Variants in NUP205 observed in about 807,000 individuals in gnomAD.
NUP205 encodes the protein nuclear pore complex protein Nup205.
A neutral mutation model predicts 253.8 loss-of-function variants in NUP205; 76 were observed. That is an observed-to-expected ratio of 0.30 (90% CI 0.25 to 0.36). NUP205 has a LOEUF of 0.36. Among genes scored for constraint, NUP205 ranks in the 10% least tolerant of loss-of-function variants. NUP205 has a pLI of 1.00. For missense variants in NUP205, 2,162 were observed against 2,425.5 expected, an observed-to-expected ratio of 0.89 and a Z score of 2.28; for synonymous variants, 832 against 850.1, an observed-to-expected ratio of 0.98 and a Z score of 0.37.
At chr7:135,588,131 A>C in intron 10 of NUP205, 139 bp downstream of exon 10, 1 of 594,398 alleles carries the variant, frequency 1.7e-6, no homozygotes, top group Non-Finnish European at 2.5e-6. Context: ...TACACTTTTT[A>C]AATTTTATTT....
intron 15 of NUP205, among the ~76,000 whole-genome samples, chr7:135,599,181 C>CT (rs1793911679): frequency 6.6e-6 from 1 of 151,964 alleles, no homozygotes; most frequent in Admixed American, 6.6e-5. Flanking sequence ...CTTTGTATTT[C>CT]TTTTTTGTCA....
intron 38 of NUP205, among the ~76,000 whole-genome samples, chr7:135,641,615 C>T (rs1794915996): frequency 6.6e-6 from 1 of 151,458 alleles, no homozygotes; most frequent in African/African-American, 2.4e-5. Flanking sequence ...CCAAAAAATA[C>T]AAAAAAATTA....
At position 135,575,523 on chromosome 7, in the gene NUP205, G is replaced by A. The variant is rs535510043; in HGVS notation, c.344-747G>A. On this transcript the variant is annotated intron_variant, in intron 3 of 42. Coordinates refer to ENST00000285968, the MANE Select transcript of NUP205 (RefSeq NM_015135.3). Reference sequence around the variant, plus strand: ...AAAAAAAAGTGAAACTTAGCCAGGCGTGGTGGCTCACACCTGTAATCCCAC... The same window carrying A: ...AAAAAAAAGTGAAACTTAGCCAGGCATGGTGGCTCACACCTGTAATCCCAC... Among the ~76,000 whole-genome samples the A allele has an allele frequency of 1.1e-4, 17 of 152,304 alleles. No homozygotes were observed. In the South Asian group the frequency reaches 3.3e-3, roughly 30 times the overall value.
In NUP205 at chr7:135,577,831, T is replaced by C. The variant is rs1440249163; in HGVS notation, c.684T>C (p.Leu228=). 6.2e-7 allele frequency: 1 copy of C among 1,614,136 alleles called. No individual in the cohort carries two copies. The highest frequency in any genetic ancestry group is 1.7e-5 in the Admixed American group (1 of 60,014). ...TCATTAAGGAGTGCAGGCAGTCTCT[T>C]GCAGAAAGCCTTTTTGCCTGGGCTT... ...SDLIKECRQS[L]AESLFAWACQ... Residue 228 remains leucine, a synonymous_variant, in exon 6 of 43, where the codon CTT becomes CTC. Coordinates refer to ENST00000285968, the MANE Select transcript of NUP205 (RefSeq NM_015135.3).
At chr7:135,577,647 G>A (rs1806187097) in intron 5 of NUP205, 149 bp from the exon 6 acceptor site, 1 of 604,574 alleles carries the variant, frequency 1.7e-6, no homozygotes, top group African/African-American at 1.8e-5. Context: ...AATAGGGTTT[G>A]TTCAGAATTC....
At chr7:135,562,251 C>T (rs1454917367) in intron 1 of NUP205, among the ~76,000 whole-genome samples, 5 of 152,070 alleles carry the variant, frequency 3.3e-5, no homozygotes, top group Non-Finnish European at 5.9e-5. Context: ...GACTGGAGTG[C>T]GGTGGTGTGA....
chr7:135,562,435 C>T (rs12707239), intron 1 of NUP205, among the ~76,000 whole-genome samples: 34,230 of 151,728 alleles, frequency 0.23, 4,532 homozygotes, highest in East Asian at 0.55. Flanking sequence ...TGACCTCAAA[C>T]GATTCACCTG....
chr7:135,605,236 C>T (rs1477066767), intron 19 of NUP205, among the ~76,000 whole-genome samples: 3 of 152,016 alleles, frequency 2.0e-5, no homozygotes, highest in Non-Finnish European at 2.9e-5. Flanking sequence ...AGGCTGGTCT[C>T]GAATTCTAGA....
At position 135,577,839 on chromosome 7, in the gene NUP205, G is replaced by A; in HGVS notation, c.692G>A (p.Ser231Asn). Residue 231 changes from serine to asparagine, a missense_variant, in exon 6 of 43, where the codon AGC (serine) becomes AAC (asparagine). Ser to Asn is a conservative substitution (Grantham distance 46, BLOSUM62 1). Around this residue, in one of 5 missense-constraint regions of NUP205, gnomAD observed 892 missense variants for 957.1 expected, o/e 0.93. Coordinates refer to ENST00000285968, the MANE Select transcript of NUP205 (RefSeq NM_015135.3). ...GAGTGCAGGCAGTCTCTTGCAGAAA[G>A]CCTTTTTGCCTGGGCTTGCCAGTCA... ...IKECRQSLAESLFAWACQSPL... is the reference protein window; with the variant it reads ...IKECRQSLAENLFAWACQSPL... The A allele has an allele frequency of 6.2e-7, 1 of 1,614,088 alleles. No homozygotes were observed. Among genetic ancestry groups the A allele is most frequent in the Non-Finnish European group, 8.5e-7 (1 of 1,180,002 alleles).
intron 22 of NUP205, among the ~76,000 whole-genome samples, chr7:135,609,721 G>T (rs1794184635): frequency 6.6e-6 from 1 of 151,516 alleles, no homozygotes; most frequent in African/African-American, 2.4e-5. Context: ...TTAATCTCCT[G>T]CTTTTCTTTT....
At chr7:135,588,443 C>CT (rs1806533140) in intron 10 of NUP205, among the ~76,000 whole-genome samples, 1 of 150,898 alleles carries the variant, frequency 6.6e-6, no homozygotes, top group Admixed American at 6.6e-5. Flanking sequence ...GCCTAGCCTA[C>CT]TTTTCTCTTT....
At chr7:135,648,137 GCATCAA>G (rs1158257069) in intron 42 of NUP205, among the ~76,000 whole-genome samples, 3 of 151,580 alleles carry the variant, frequency 2.0e-5, no homozygotes, top group Non-Finnish European at 4.4e-5. Context: ...ATCAGCATCA[GCATCAA>G]CATTCATTGC....
chr7:135,619,775 TCC>T lies in NUP205; in HGVS notation c.4232-14_4232-13del, dbSNP rs762309944. On this transcript the variant is annotated splice_polypyrimidine_tract_variant and intron_variant, in intron 29 of 42. Transcript: ENST00000285968. The stretch of plus-strand genomic sequence containing the variant: ...GAGAAAAGATTTTCATTTGACATCT[TCC>T]TAATCTCCCTAGGTGGTGGATTCCA... 2.2e-4 allele frequency: 348 copies of T among 1,601,916 alleles called. 6 individuals are homozygous for T. In the South Asian group the frequency reaches 3.6e-3, roughly 17 times the overall value.
chr7:135,587,912 T>C lies in NUP205; in HGVS notation c.1393T>C (p.Cys465Arg), dbSNP rs1339229965. The change falls in exon 10 of 43, where the codon TGT becomes CGT. Residue 465 changes from cysteine to arginine, a missense_variant. Physicochemically the swap from Cys to Arg is radical, Grantham distance 180 (BLOSUM62 -3). This residue lies in a region of NUP205 where 892 missense variants were observed against 957.1 expected (regional missense o/e 0.93). Transcript: ENST00000285968. Reference protein sequence around the residue: ...FHLELALEYWCPTEPLQTPTI... With the variant: ...FHLELALEYWRPTEPLQTPTI... ...TCTGGAGCTTGCTCTAGAATATTGGTGTCCCACAGAGCCTCTTCAGACTCC... is the reference window on the plus strand; with the variant it reads ...TCTGGAGCTTGCTCTAGAATATTGGCGTCCCACAGAGCCTCTTCAGACTCC... The C allele has an allele frequency of 3.1e-6, 5 of 1,613,888 alleles. No homozygotes were observed. The highest frequency in any genetic ancestry group is 3.3e-5 in the Admixed American group (2 of 59,992).
At chr7:135,566,809 C>T (rs1050377312) in intron 1 of NUP205, among the ~76,000 whole-genome samples, 6 of 152,084 alleles carry the variant, frequency 3.9e-5, no homozygotes, top group African/African-American at 1.4e-4. Flanking sequence ...GCAATCTCGG[C>T]TCACTGCAAC....
rs77470784 is a variant in NUP205, at chr7:135,638,432, A to G, written c.5266-125A>G. The G allele has an allele frequency of 4.7e-6, 4 of 845,264 alleles. 1 individual carries two copies. Among genetic ancestry groups the G allele is most frequent in the Non-Finnish European group, 7.2e-6 (4 of 552,280 alleles). 52.4% of individuals were successfully genotyped at this position (845,264 alleles called of 1,614,324 possible). ...TCCATCTGAAAAAAAAAAAAAAAAA[A>G]GAATACACAGATGTGAGTCATTTTA... On this transcript the variant is annotated intron_variant, in intron 37 of 42. Transcript: ENST00000285968.
intron 31 of NUP205, among the ~76,000 whole-genome samples, chr7:135,623,995 G>T (rs1293046637): frequency 1.3e-5 from 2 of 152,074 alleles, no homozygotes; most frequent in Non-Finnish European, 2.9e-5. Context: ...TGTTAGCCAG[G>T]ATGGTCTCGA....
At position 135,601,364 on chromosome 7, in the gene NUP205, A is replaced by G. The variant is rs1429440416; in HGVS notation, c.2375-6A>G. ...CATCTCTTGGAATATGTTATGTTCT[A>G]TTTAGGAGAAGAAATCATAGCCTAT... On this transcript the variant is annotated splice_polypyrimidine_tract_variant and splice_region_variant and intron_variant, in intron 16 of 42. Transcript: ENST00000285968. The G allele has an allele frequency of 2.5e-6, 4 of 1,610,548 alleles. No individual in the cohort carries two copies. The African/African-American group carries it at 4.0e-5, about 16-fold the overall frequency.
At chr7:135,638,769 A>C in intron 38 of NUP205, 86 bp downstream of exon 38, 1 of 1,383,120 alleles carries the variant, frequency 7.2e-7, no homozygotes, top group South Asian at 1.2e-5. Flanking sequence ...AGTAAGATGC[A>C]GTATTTTCTT....
Sources: gnomAD v4.1 joint callset for allele counts (sites outside exome capture counted in the v4.1 genomes callset) on GRCh38, gnomAD v4.1.1 for gene constraint, gnomAD v4.1.1 regional missense constraint, MANE v1.5 for transcripts, NCBI Gene and HGNC (gene_info 2026-07-23, HGNC 2026-07-21) for gene names.